Variants in PCDH9 observed in about 807,000 individuals in gnomAD.
PCDH9 encodes the protein protocadherin-9.
In PCDH9, 24 loss-of-function variants were observed where a neutral mutation model predicts 70.6. The observed-to-expected ratio is 0.34, with a 90% CI of 0.25 to 0.48. PCDH9 has a LOEUF of 0.48. PCDH9 is among the 20% of genes least tolerant of loss of function. The pLI is 0.99. For missense variants in PCDH9, 1,281 were observed against 1,503.6 expected (o/e 0.85, Z 2.45); for synonymous variants, 562 against 558.5 (o/e 1.01, Z -0.09).
intron 4 of PCDH9, among the ~76,000 whole-genome samples, chr13:66,559,329 T>G (rs1463846377): frequency 6.6e-6 from 1 of 152,142 alleles, no homozygotes. Context: ...AGAAGGAAAA[T>G]TTGCCTTTGA....
At chr13:66,568,512 CAAAAAA>C (rs34215376) in intron 4 of PCDH9, among the ~76,000 whole-genome samples, 1 of 108,112 alleles carries the variant, frequency 9.2e-6, no homozygotes, top group African/African-American at 3.3e-5. Context: ...TGAGACTTTA[CAAAAAA>C]AAAAAAAAGA....
At chr13:66,535,546 A>G (rs1008591297) in intron 4 of PCDH9, among the ~76,000 whole-genome samples, 2 of 152,104 alleles carry the variant, frequency 1.3e-5, no homozygotes, top group African/African-American at 4.8e-5. Context: ...AACTACAACA[A>G]TTTATACCAC....
intron 2 of PCDH9, among the ~76,000 whole-genome samples, chr13:67,163,672 G>A (rs533218551): frequency 6.6e-5 from 10 of 152,290 alleles, no homozygotes; most frequent in South Asian, 2.1e-4. Flanking sequence ...AATTTGCTGC[G>A]TCAAGTAACT....
intron 4 of PCDH9, among the ~76,000 whole-genome samples, chr13:66,329,579 G>T (rs1955903690): frequency 6.6e-6 from 1 of 152,040 alleles, no homozygotes; most frequent in African/African-American, 2.4e-5. Context: ...GAACAATATG[G>T]CTCATGGTGC....
At chr13:66,563,698 CATG>C (rs1364016850) in intron 4 of PCDH9, among the ~76,000 whole-genome samples, 1 of 152,170 alleles carries the variant, frequency 6.6e-6, no homozygotes, top group African/African-American at 2.4e-5. Flanking sequence ...AAGACATTCA[CATG>C]ATTATATTTG....
chr13:67,190,141 G>C (rs898599174), intron 2 of PCDH9, among the ~76,000 whole-genome samples: 1 of 151,894 alleles, frequency 6.6e-6, no homozygotes, highest in African/African-American at 2.4e-5. Flanking sequence ...CTTAGAAATT[G>C]TACTCTAAAT....
At chr13:66,909,637 C>A (rs570318618) in intron 2 of PCDH9, among the ~76,000 whole-genome samples, 1 of 151,876 alleles carries the variant, frequency 6.6e-6, no homozygotes, top group Admixed American at 6.6e-5. Context: ...GGCGTGGTGG[C>A]GGGCGCCTGT....
At chr13:66,389,044 T>C (rs1956976224) in intron 4 of PCDH9, among the ~76,000 whole-genome samples, 1 of 152,156 alleles carries the variant, frequency 6.6e-6, no homozygotes, top group African/African-American at 2.4e-5. Context: ...TTTTCCTTAA[T>C]CATATTTCTT....
At chr13:66,548,336 G>A (rs139348274) in intron 4 of PCDH9, among the ~76,000 whole-genome samples, 5,102 of 152,058 alleles carry the variant, frequency 0.034, 243 homozygotes, top group African/African-American at 0.11. Context: ...AGGCCAAGGC[G>A]GGAGGATCAC....
Position 66,594,710 on chromosome 13 carries a change from T to C in PCDH9, c.3340+36500A>G, listed in dbSNP as rs1177022408. 3.3e-5 allele frequency among the ~76,000 whole-genome samples: 5 copies of C among 151,522 alleles called. No individual in the cohort carries two copies. The Admixed American group carries it at 3.3e-4, about 10-fold the overall frequency. ...TGTGTTGTTCCCCTCCCTGTTGTGT[T>C]CTCATTGTTCAGCTCCAACTTATAA... is the stretch of plus-strand genomic sequence containing the variant. On this transcript the variant is annotated intron_variant, in intron 4 of 4. Transcript: ENST00000377865.
At chr13:67,084,289 ATTC>A (rs1184621069) in intron 2 of PCDH9, among the ~76,000 whole-genome samples, 2 of 152,250 alleles carry the variant, frequency 1.3e-5, no homozygotes, top group East Asian at 3.9e-4. Context: ...CTCTGACCCC[ATTC>A]TTCTTTCTGT....
intron 3 of PCDH9, among the ~76,000 whole-genome samples, chr13:66,777,225 G>T (rs1199352417): frequency 6.6e-6 from 1 of 151,926 alleles, no homozygotes. Context: ...CATGGGCAAG[G>T]ACTTCATGTC....
At chr13:66,532,734 G>C (rs114535026) in intron 4 of PCDH9, among the ~76,000 whole-genome samples, 4,611 of 151,876 alleles carry the variant, frequency 0.03, 209 homozygotes, top group African/African-American at 0.1. Flanking sequence ...TTTCACTTTC[G>C]GAGGCCAAGG....
At chr13:67,159,917 A>ATT (rs35884356) in intron 2 of PCDH9, among the ~76,000 whole-genome samples, 2 of 151,942 alleles carry the variant, frequency 1.3e-5, no homozygotes, top group African/African-American at 4.8e-5. Flanking sequence ...TCTTTCTATT[A>ATT]TTTTTTTGCA....
intron 4 of PCDH9, among the ~76,000 whole-genome samples, chr13:66,403,453 T>C (rs892257108): frequency 3.9e-5 from 6 of 152,164 alleles, no homozygotes; most frequent in African/African-American, 1.4e-4. Context: ...GAGAAATAAG[T>C]TAAATATGCT....
intron 4 of PCDH9, among the ~76,000 whole-genome samples, chr13:66,620,953 T>A (rs892159523): frequency 6.6e-6 from 1 of 152,178 alleles, no homozygotes; most frequent in African/African-American, 2.4e-5. Context: ...TTAACATGAA[T>A]GTTTGCAGAA....
In PCDH9 at chr13:66,624,916, A is replaced by G. The variant is rs148568191; in HGVS notation, c.3340+6294T>C. On this transcript the variant is annotated intron_variant, in intron 4 of 4. Coordinates refer to ENST00000377865, the MANE Select transcript of PCDH9 (RefSeq NM_203487.3). ...CCGAGTTTTATACCAGTCTGCCACTATGTACTTAACCTTTGTATTCTGGAA... is the reference window on the plus strand; with the variant it reads ...CCGAGTTTTATACCAGTCTGCCACTGTGTACTTAACCTTTGTATTCTGGAA... Among the ~76,000 whole-genome samples the G allele has an allele frequency of 3.5e-3, 535 of 151,664 alleles. 1 individual carries two copies. Among genetic ancestry groups the G allele is most frequent in the African/African-American group, 0.012 (513 of 41,350 alleles).
chr13:67,212,065 C>T (rs2089479926), intron 2 of PCDH9: 1 of 152,026 alleles, frequency 6.6e-6, no homozygotes, highest in African/African-American at 2.4e-5. Flanking sequence ...ATATGCTAAT[C>T]TCATCTAGTA....
At chr13:66,761,644 T>C (rs2079629326) in intron 3 of PCDH9, among the ~76,000 whole-genome samples, 1 of 152,184 alleles carries the variant, frequency 6.6e-6, no homozygotes, top group Non-Finnish European at 1.5e-5. Flanking sequence ...ATTGCAGTTT[T>C]CATTCCAAGT....
Sources: gnomAD v4.1 joint callset for allele counts (sites outside exome capture counted in the v4.1 genomes callset) on GRCh38, gnomAD v4.1.1 for gene constraint, MANE v1.5 for transcripts, NCBI Gene and HGNC (gene_info 2026-07-23, HGNC 2026-07-21) for gene names.